PRMT8: variants seen among roughly 807,000 people sequenced by gnomAD.
The protein encoded by PRMT8 is protein arginine methyltransferase 8.
A neutral mutation model predicts 47.1 loss-of-function variants in PRMT8; 7 were observed. The ratio of observed to expected loss-of-function variants is 0.15; its 90% confidence interval spans 0.08 to 0.28. The LOEUF is 0.28. Among genes scored for constraint, PRMT8 ranks in the 10% least tolerant of loss-of-function variants. PRMT8 has a pLI of 1.00. For missense variants in PRMT8, 237 were observed against 505.4 expected (o/e 0.47, Z 5.09); for synonymous variants, 188 against 186.5 (o/e 1.01, Z -0.07).
chr12:3,386,654 T>C (rs1008657656), intron 1 of PRMT8, among the ~76,000 whole-genome samples: 3 of 152,176 alleles, frequency 2.0e-5, no homozygotes, highest in Non-Finnish European at 4.4e-5. Context: ...CCTATTAAGT[T>C]TTACAAGCCA....
At chr12:3,449,190 G>A (rs1270750759) in intron 1 of PRMT8, among the ~76,000 whole-genome samples, 1 of 152,188 alleles carries the variant, frequency 6.6e-6, no homozygotes, top group African/African-American at 2.4e-5. Flanking sequence ...TGGTGCTGCA[G>A]TGAATATACG....
intron 1 of PRMT8, among the ~76,000 whole-genome samples, chr12:3,386,895 A>G (rs1294739558): frequency 6.6e-6 from 1 of 151,026 alleles, no homozygotes; most frequent in Non-Finnish European, 1.5e-5. Flanking sequence ...TTTTCAGTAG[A>G]GACGGGGTTT....
intron 1 of PRMT8, among the ~76,000 whole-genome samples, chr12:3,458,994 CTCT>C (rs1226874808): frequency 6.6e-6 from 1 of 152,200 alleles, no homozygotes; most frequent in Admixed American, 6.5e-5. Context: ...CTGGGACATT[CTCT>C]TCTCTGAAAC....
Position 3,553,210 on chromosome 12 carries a change from T to C in PRMT8, c.418-441T>C, listed in dbSNP as rs1591599025. The C allele has an allele frequency of 1.4e-5, 3 of 219,452 alleles. No individual in the cohort carries two copies. In the East Asian group the frequency reaches 3.6e-4, roughly 26 times the overall value. The allele number at this position is 219,452 out of a possible 1,614,324, so 13.6% of individuals were successfully genotyped here. A position where few individuals can be genotyped will look rare whatever the true frequency, so the allele number is the denominator to read the frequency against. On this transcript the variant is annotated intron_variant, in intron 3 of 9. Transcript: ENST00000382622. The stretch of plus-strand genomic sequence containing the variant: ...TGGCTTTTTCCAGATGGTCCCATCC[T>C]GGCACGCGGCTCGTTTACCCTGGAA...
At chr12:3,565,287 T>C (rs1214455943) in intron 4 of PRMT8, among the ~76,000 whole-genome samples, 1 of 149,840 alleles carries the variant, frequency 6.7e-6, no homozygotes. Flanking sequence ...ATGAGGAAAA[T>C]AAAAGAGAGG....
chr12:3,523,968 A>G (rs1865917987), intron 1 of PRMT8, among the ~76,000 whole-genome samples: 2 of 152,190 alleles, frequency 1.3e-5, no homozygotes, highest in Admixed American at 6.5e-5. Flanking sequence ...AAAGGCGACT[A>G]CTCGGCTCTT....
intron 1 of PRMT8, among the ~76,000 whole-genome samples, chr12:3,397,523 G>C (rs372940577): frequency 3.3e-5 from 5 of 150,654 alleles, no homozygotes; most frequent in African/African-American, 1.2e-4. Context: ...TAGGCTGCTC[G>C]GGGGTCAGGG....
At chr12:3,584,292 G>C (rs1867126192) in intron 8 of PRMT8, among the ~76,000 whole-genome samples, 1 of 152,206 alleles carries the variant, frequency 6.6e-6, no homozygotes, top group Non-Finnish European at 1.5e-5. Context: ...CAGATTGGAT[G>C]AAGTTAATCA....
chr12:3,524,690 A>G (rs978606938), intron 1 of PRMT8, among the ~76,000 whole-genome samples: 1 of 151,778 alleles, frequency 6.6e-6, no homozygotes, highest in Non-Finnish European at 1.5e-5. Flanking sequence ...CCAACAATCA[A>G]TAGGCGACAT....
Position 3,570,332 on chromosome 12 carries a change from A to T in PRMT8, c.712+768A>T, listed in dbSNP as rs1866823539. ...CCTGATCCTTAATGAGATTATACCA[A>T]ACATGTTTTTGTAAAGTTGAACATG... On this transcript the variant is annotated intron_variant, in intron 6 of 9. Coordinates refer to ENST00000382622, the MANE Select transcript of PRMT8 (RefSeq NM_019854.5). This position sits in a 1 kb window ranked among gnomAD's most constrained non-coding sequence, Gnocchi z 5.5. 6.6e-6 allele frequency among the ~76,000 whole-genome samples: 1 copy of T among 152,200 alleles called. No homozygotes were observed. The highest frequency in any genetic ancestry group is 2.4e-5 in the African/African-American group (1 of 41,448).
At chr12:3,430,533 T>A (rs951445676) in intron 1 of PRMT8, among the ~76,000 whole-genome samples, 6 of 152,278 alleles carry the variant, frequency 3.9e-5, no homozygotes, top group Admixed American at 1.3e-4. Flanking sequence ...AGATAACATT[T>A]AAAAAAATGC....
upstream of PRMT8, among the ~76,000 whole-genome samples, chr12:3,487,250 C>T (rs971276289): frequency 2.0e-5 from 3 of 152,146 alleles, no homozygotes; most frequent in African/African-American, 7.2e-5. Context: ...TGTGTGAGGT[C>T]CCCTGGGAGG....
chr12:3,513,811 T>C (rs979275960), intron 1 of PRMT8, among the ~76,000 whole-genome samples: 9 of 152,240 alleles, frequency 5.9e-5, no homozygotes, highest in African/African-American at 2.2e-4. Context: ...TGGAAAAATG[T>C]TTAATAACAA....
intron 1 of PRMT8, among the ~76,000 whole-genome samples, chr12:3,445,945 G>A (rs944914276): frequency 1.3e-5 from 2 of 152,084 alleles, no homozygotes; most frequent in African/African-American, 2.4e-5. Flanking sequence ...TTGGTAGGGG[G>A]TACCCATATG....
In PRMT8 at chr12:3,492,669, A is replaced by C. The variant is rs566383032; in HGVS notation, c.75+969A>C. Among the ~76,000 whole-genome samples the C allele has an allele frequency of 3.9e-5, 6 of 152,184 alleles. No individual in the cohort carries two copies. The East Asian group carries it at 9.7e-4, about 25-fold the overall frequency. On this transcript the variant is annotated intron_variant, in intron 1 of 9. Coordinates refer to ENST00000382622, the MANE Select transcript of PRMT8 (RefSeq NM_019854.5). This position sits in a 1 kb window ranked among gnomAD's most constrained non-coding sequence, Gnocchi z 7.5. ...ACCCCGCTGTCATTACAACAACCGGACTATTCCGTAGGCTCTGGGCACCTG... is the reference window on the plus strand; with the variant it reads ...ACCCCGCTGTCATTACAACAACCGGCCTATTCCGTAGGCTCTGGGCACCTG...
chr12:3,526,408 T>C (rs1865950469), intron 1 of PRMT8, among the ~76,000 whole-genome samples: 1 of 152,206 alleles, frequency 6.6e-6, no homozygotes, highest in Admixed American at 6.5e-5. Context: ...CACATGGTAA[T>C]ACTATACTTA....
intron 1 of PRMT8, among the ~76,000 whole-genome samples, chr12:3,507,959 A>G (rs575495354): frequency 6.6e-6 from 1 of 151,884 alleles, no homozygotes; most frequent in Admixed American, 6.6e-5. Flanking sequence ...TCCCACATTA[A>G]AGCTGTTGAC....
At position 3,477,647 on chromosome 12, in the gene PRMT8, C is replaced by T. The variant is rs375327263; in HGVS notation, c.49-62959C>T. ...TCTTTTTGATAGTGTGCGCCAAACT[C>T]GCCCTTCCTTGAATATCTCTCAACC... On this transcript the variant is annotated intron_variant, in intron 1 of 9. Transcript: ENST00000452611. Among the ~76,000 whole-genome samples, 5 of 152,330 alleles carry T rather than the reference C, an allele frequency of 3.3e-5. 1 individual carries two copies. The highest frequency in any genetic ancestry group is 6.5e-5 in the Admixed American group (1 of 15,306).
chr12:3,420,680 A>G (rs1864531603), intron 1 of PRMT8, among the ~76,000 whole-genome samples: 1 of 152,218 alleles, frequency 6.6e-6, no homozygotes, highest in Non-Finnish European at 1.5e-5. Context: ...TGTCCAGCTC[A>G]GTCTCTTGCT....
Sources: gnomAD v4.1 joint callset for allele counts (sites outside exome capture counted in the v4.1 genomes callset) on GRCh38, gnomAD v4.1.1 for gene constraint, Gnocchi (gnomAD v3.1) non-coding constraint, MANE v1.5 for transcripts, NCBI Gene and HGNC (gene_info 2026-07-23, HGNC 2026-07-21) for gene names.